DCC: variants seen among roughly 807,000 people sequenced by gnomAD.
The protein encoded by DCC is DCC netrin 1 receptor, also known as netrin receptor DCC.
DCC carries 58 observed loss-of-function variants against 172.5 expected under a neutral mutation model. The ratio of observed to expected loss-of-function variants is 0.34; its 90% confidence interval spans 0.27 to 0.42. The LOEUF is 0.42. DCC is among the 10% of genes least tolerant of loss of function. DCC has a pLI of 1.00. For missense variants in DCC, 1,740 were observed against 1,791.0 expected, an observed-to-expected ratio of 0.97 and a Z score of 0.51; for synonymous variants, 709 against 644.5, an observed-to-expected ratio of 1.10 and a Z score of -1.52.
chr18:53,034,562 T>A (rs1599050233), intron 5 of DCC, among the ~76,000 whole-genome samples: 1 of 152,030 alleles, frequency 6.6e-6, no homozygotes, highest in Non-Finnish European at 1.5e-5. Flanking sequence ...ACTACCATTA[T>A]GTCTCCCCTA....
rs73459100 is a variant in DCC, at chr18:52,463,568, G to A, written c.91+122690G>A. On this transcript the variant is annotated intron_variant, in intron 1 of 28. Transcript: ENST00000442544. ...AGAAGGTAAAACAATTGGCTGAAGG[G>A]CATACAACTGAGTAGTAAATACTGG... 6.2e-3 allele frequency among the ~76,000 whole-genome samples: 949 copies of A among 152,288 alleles called. 13 individuals are homozygous for A. Among genetic ancestry groups the A allele is most frequent in the African/African-American group, 0.022 (916 of 41,552 alleles).
intron 2 of DCC, among the ~76,000 whole-genome samples, chr18:52,768,297 A>C (rs1409491809): frequency 6.6e-6 from 1 of 152,212 alleles, no homozygotes; most frequent in East Asian, 1.9e-4. Context: ...TTCTCAGTTT[A>C]TAATGAGTAA....
chr18:52,393,786 T>C (rs980108891), intron 1 of DCC, among the ~76,000 whole-genome samples: 1 of 152,094 alleles, frequency 6.6e-6, no homozygotes, highest in Non-Finnish European at 1.5e-5. Context: ...GTGAGAGTTT[T>C]TAAACAATAC....
At chr18:52,917,328 G>T (rs1300866017) in intron 3 of DCC, among the ~76,000 whole-genome samples, 1 of 151,798 alleles carries the variant, frequency 6.6e-6, no homozygotes, top group African/African-American at 2.4e-5. Flanking sequence ...GTTTCAAAAA[G>T]AATCAATATT....
chr18:52,364,194 G>A (rs1984743139), intron 1 of DCC, among the ~76,000 whole-genome samples: 1 of 152,166 alleles, frequency 6.6e-6, no homozygotes, highest in African/African-American at 2.4e-5. Flanking sequence ...AACACTAAAT[G>A]TCTTTATGGC....
At chr18:53,462,703 G>T (rs1012806909) in intron 24 of DCC, among the ~76,000 whole-genome samples, 10 of 152,124 alleles carry the variant, frequency 6.6e-5, no homozygotes, top group Admixed American at 5.9e-4. Context: ...GTGCCAAAAA[G>T]GTTGGGAATG....
chr18:53,415,135 G>A (rs995071399), intron 20 of DCC, among the ~76,000 whole-genome samples: 9 of 152,140 alleles, frequency 5.9e-5, no homozygotes, highest in East Asian at 1.9e-4. Flanking sequence ...CCTGTAGGGC[G>A]TTTAAGGTAT....
chr18:52,493,915 A>G (rs964187092), intron 1 of DCC, among the ~76,000 whole-genome samples: 2 of 152,098 alleles, frequency 1.3e-5, no homozygotes, highest in South Asian at 4.1e-4. Flanking sequence ...CCCTTGAAAT[A>G]TAATCACATA....
At chr18:52,760,827 T>G (rs1035099763) in intron 2 of DCC, among the ~76,000 whole-genome samples, 5 of 152,054 alleles carry the variant, frequency 3.3e-5, no homozygotes, top group Non-Finnish European at 7.4e-5. Context: ...GCCAAGTAAA[T>G]TAATTAGAGG....
At chr18:53,018,111 A>G (rs2041833151) in intron 5 of DCC, among the ~76,000 whole-genome samples, 1 of 152,220 alleles carries the variant, frequency 6.6e-6, no homozygotes, top group Non-Finnish European at 1.5e-5. Context: ...TGGCACGTGT[A>G]TACCTATGTA....
chr18:52,864,589 A>G (rs1215985646), intron 2 of DCC, among the ~76,000 whole-genome samples: 2 of 152,144 alleles, frequency 1.3e-5, no homozygotes, highest in Non-Finnish European at 2.9e-5. Flanking sequence ...CACACGTTAC[A>G]TAGGTATACA....
intron 3 of DCC, among the ~76,000 whole-genome samples, chr18:52,920,774 C>A (rs1398517816): frequency 6.6e-6 from 1 of 152,034 alleles, no homozygotes; most frequent in Non-Finnish European, 1.5e-5. Context: ...CTGGAAGCCA[C>A]CAAGGTATTC....
chr18:53,155,467 A>C (rs2054715779), intron 7 of DCC, among the ~76,000 whole-genome samples: 1 of 152,218 alleles, frequency 6.6e-6, no homozygotes, highest in Non-Finnish European at 1.5e-5. Context: ...TTATCACAGC[A>C]AAGCTGAATT....
In DCC at chr18:52,497,321, A is replaced by ATG. The variant is rs57569537; in HGVS notation, c.91+156443_91+156444insTG. On this transcript the variant is annotated intron_variant, in intron 1 of 28. Coordinates refer to ENST00000442544, the MANE Select transcript of DCC (RefSeq NM_005215.4). ...TATATATATATATATATATACACAC[A>ATG]CACATATATATACACACGTATGCAT... Among the ~76,000 whole-genome samples the ATG allele has an allele frequency of 2.7e-4, 14 of 51,470 alleles. 1 individual carries two copies. Among genetic ancestry groups the ATG allele is most frequent in the East Asian group, 5.9e-4 (1 of 1,694 alleles). 33.8% of individuals were successfully genotyped at this position (51,470 alleles called of 152,430 possible). A position where few individuals can be genotyped will look rare whatever the true frequency, so the allele number is the denominator to read the frequency against.
intron 18 of DCC, 32 bp downstream of exon 18, chr18:53,397,478 G>A: frequency 6.2e-7 from 1 of 1,613,088 alleles, no homozygotes; most frequent in Non-Finnish European, 8.5e-7. Context: ...TTGGACCCTT[G>A]ATAATGGTGT....
chr18:53,233,616 T>C (rs760274893), intron 12 of DCC, among the ~76,000 whole-genome samples: 20 of 152,204 alleles, frequency 1.3e-4, no homozygotes, highest in African/African-American at 1.7e-4. Flanking sequence ...TGACTTCCTG[T>C]TTATTCTGCT....
chr18:52,710,156 A>G (rs1267112335), intron 1 of DCC, among the ~76,000 whole-genome samples: 1 of 152,244 alleles, frequency 6.6e-6, no homozygotes, highest in Non-Finnish European at 1.5e-5. Context: ...TTGCAGCTGC[A>G]TTTTTAACTG....
intron 12 of DCC, among the ~76,000 whole-genome samples, chr18:53,279,765 T>C (rs1324566329): frequency 6.6e-6 from 1 of 151,672 alleles, no homozygotes; most frequent in East Asian, 1.9e-4. Flanking sequence ...TAAAAAAGAA[T>C]GAGATCATAT....
At chr18:52,522,167 G>A (rs955982189) in intron 1 of DCC, among the ~76,000 whole-genome samples, 1 of 152,184 alleles carries the variant, frequency 6.6e-6, no homozygotes, top group African/African-American at 2.4e-5. Flanking sequence ...ACATGGTCCA[G>A]GGATAATTAT....
Sources: allele counts gnomAD v4.1 joint callset (sites outside exome capture counted in the v4.1 genomes callset), GRCh38; gene constraint gnomAD v4.1.1; transcripts MANE v1.5; gene names NCBI Gene and HGNC (gene_info 2026-07-23, HGNC 2026-07-21).